ORMDL1: variants seen among roughly 807,000 people sequenced by gnomAD.
ORMDL1 encodes ORMDL sphingolipid biosynthesis regulator 1.
In ORMDL1, 10 loss-of-function variants were observed where a neutral mutation model predicts 13.0. That is an observed-to-expected ratio of 0.77 (90% CI 0.47 to 1.30). The LOEUF (loss-of-function observed/expected upper bound fraction) is 1.30, where lower values mean the gene tolerates loss of function less well. Ranked by LOEUF, ORMDL1 falls within the 50% of genes most tolerant of loss-of-function variation. The probability of loss-of-function intolerance (pLI) is 0.00; values close to 1 mark genes in which losing one functional copy is unlikely to be tolerated. For missense variants in ORMDL1, 171 were observed against 186.7 expected (o/e 0.92, Z 0.49); for synonymous variants, 61 against 63.9 (o/e 0.95, Z 0.22).
chr2:189,780,538 G>C (rs2047799454), intron 3 of ORMDL1, among the ~76,000 whole-genome samples: 1 of 152,086 alleles, frequency 6.6e-6, no homozygotes, highest in South Asian at 2.1e-4. Flanking sequence ...TTATTCTACA[G>C]GTAGAAACTG....
chr2:189,772,048 C>T lies in ORMDL1; in HGVS notation c.327-146G>A, dbSNP rs534141853. The T allele has an allele frequency of 1.2e-3, 753 of 643,904 alleles. 2 individuals are homozygous for T. The highest frequency in any genetic ancestry group is 0.011 in the Middle Eastern group (24 of 2,228). The allele number at this position is 643,904 out of a possible 1,614,324, so 39.9% of individuals were successfully genotyped here. ...TTTTGAGCACTAAAACAAGAGGAAT[C>T]GGTTTGGTCCCAAGTTTATCTCATT... is the stretch of plus-strand genomic sequence containing the variant. On this transcript the variant is annotated intron_variant, in intron 4 of 4. Transcript: ENST00000392349.
chr2:189,775,583 G>A lies in ORMDL1; in HGVS notation c.308C>T (p.Thr103Ile), dbSNP rs1352732324. 6.2e-7 allele frequency: 1 copy of A among 1,600,466 alleles called. No individual in the cohort carries two copies. Among genetic ancestry groups the A allele is most frequent in the Admixed American group, 1.7e-5 (1 of 57,922 alleles). ...CACTTACAGAATTATTGGAGAAATT[G>A]TGAAAAACTTCCGTGAAGATGTAAA... ...VQFTSSRKFF[T>I]ISPIILYFLA... The change falls in exon 4 of 5, where the codon ACA (threonine) becomes ATA (isoleucine). Residue 103 changes from threonine to isoleucine, a missense_variant. Coordinates refer to ENST00000392349, the MANE Select transcript of ORMDL1 (RefSeq NM_016467.5).
At chr2:189,773,630 G>A (rs754397683) in intron 4 of ORMDL1, among the ~76,000 whole-genome samples, 1 of 147,308 alleles carries the variant, frequency 6.8e-6, no homozygotes, top group Non-Finnish European at 1.5e-5. Context: ...GCTGAGGCAG[G>A]AGAATCGCTT....
intron 4 of ORMDL1, among the ~76,000 whole-genome samples, chr2:189,772,308 C>G (rs1424011335): frequency 5.3e-5 from 8 of 152,162 alleles, no homozygotes; most frequent in Non-Finnish European, 1.0e-4. Flanking sequence ...GGTTAAGAAC[C>G]TGTACTGTAA....
At chr2:189,782,295 C>T (rs2106158538) in intron 3 of ORMDL1, 127 bp downstream of exon 3, 3 of 741,180 alleles carry the variant, frequency 4.0e-6, no homozygotes, top group Non-Finnish European at 6.5e-6. Context: ...CCAGAACTCT[C>T]TTCATCTTGC....
intron 2 of ORMDL1, 197 bp from the exon 3 acceptor site, chr2:189,782,799 G>A: frequency 3.1e-5 from 15 of 485,154 alleles, no homozygotes; most frequent in South Asian, 1.6e-4. Flanking sequence ...TTGACTTTAG[G>A]GTAAGACAAG....
chr2:189,768,732 G>A (rs940634398), downstream of ORMDL1, among the ~76,000 whole-genome samples: 1 of 152,122 alleles, frequency 6.6e-6, no homozygotes, highest in Non-Finnish European at 1.5e-5. Context: ...CAGAACAGGG[G>A]AAGTGGTACT....
chr2:189,773,324 G>GGAAAGA (rs765876252), intron 4 of ORMDL1, among the ~76,000 whole-genome samples: 3 of 152,144 alleles, frequency 2.0e-5, no homozygotes, highest in Non-Finnish European at 2.9e-5. Flanking sequence ...CAGCTATATT[G>GGAAAGA]GAAAGAGACC....
chr2:189,775,866 G>T, intron 3 of ORMDL1, 150 bp from the exon 4 acceptor site: 1 of 660,924 alleles, frequency 1.5e-6, no homozygotes, highest in Non-Finnish European at 2.3e-6. Flanking sequence ...AAAGGCTGTA[G>T]CCAGTTTCTT....
the ORMDL1 span, chr2:189,764,023 A>G: frequency 6.6e-6 from 1 of 152,228 alleles, no homozygotes; most frequent in African/African-American, 2.4e-5. Context: ...ACTGGGCCAC[A>G]GAGTTTGGGT....
At chr2:189,780,028 G>A (rs1050142834) in intron 3 of ORMDL1, among the ~76,000 whole-genome samples, 1 of 152,150 alleles carries the variant, frequency 6.6e-6, no homozygotes, top group African/African-American at 2.4e-5. Context: ...GAGCAGAAGT[G>A]TTTCAGATTT....
At chr2:189,765,301 A>G (rs948243231), downstream of ORMDL1, 2 of 152,242 alleles carry the variant, frequency 1.3e-5, no homozygotes, top group African/African-American at 4.8e-5. Context: ...TACAGGCAGA[A>G]GACAAAATGC....
downstream of ORMDL1, among the ~76,000 whole-genome samples, chr2:189,766,629 C>G (rs2047486933): frequency 1.3e-5 from 2 of 152,174 alleles, no homozygotes; most frequent in East Asian, 1.9e-4. Flanking sequence ...GAGGCTGAGG[C>G]ATGAGAATCA....
At chr2:189,783,714 C>T (rs2047972764) in intron 1 of ORMDL1, 1 of 152,244 alleles carries the variant, frequency 6.6e-6, no homozygotes, top group Non-Finnish European at 1.5e-5. Flanking sequence ...TAGAACATGC[C>T]AACACTCAAG....
chr2:189,769,764 A>C (rs1033465845), downstream of ORMDL1, among the ~76,000 whole-genome samples: 7 of 152,300 alleles, frequency 4.6e-5, no homozygotes, highest in South Asian at 1.5e-3. Context: ...GATTCTAATA[A>C]ATAATTATAG....
downstream of ORMDL1, among the ~76,000 whole-genome samples, chr2:189,766,032 G>A (rs1467904117): frequency 6.6e-6 from 1 of 151,200 alleles, no homozygotes; most frequent in Non-Finnish European, 1.5e-5. Flanking sequence ...TCACCATGTT[G>A]GCCAGGATGG....
chr2:189,765,740 G>T (rs998891762), downstream of ORMDL1, among the ~76,000 whole-genome samples: 33 of 151,726 alleles, frequency 2.2e-4, no homozygotes, highest in African/African-American at 7.5e-4. Flanking sequence ...TTAATGGCTA[G>T]TATTTCAAGC....
downstream of ORMDL1, chr2:189,770,258 G>A (rs2047549531): frequency 6.6e-6 from 1 of 152,094 alleles, no homozygotes; most frequent in African/African-American, 2.4e-5. Flanking sequence ...GAATTCAGTT[G>A]CTTAAAAATA....
chr2:189,777,467 CATT>C (rs1327187978), intron 3 of ORMDL1, among the ~76,000 whole-genome samples: 1 of 152,176 alleles, frequency 6.6e-6, no homozygotes, highest in Admixed American at 6.5e-5. Flanking sequence ...ATCATCCTCT[CATT>C]ATTTCCTTCA....
Sources: allele counts gnomAD v4.1 joint callset (sites outside exome capture counted in the v4.1 genomes callset), GRCh38; gene constraint gnomAD v4.1.1; transcripts MANE v1.5; gene names NCBI Gene and HGNC (gene_info 2026-07-23, HGNC 2026-07-21).